Variants in HIPK2 observed in about 807,000 individuals in gnomAD.
HIPK2 encodes the protein homeodomain interacting protein kinase 2.
Under a neutral mutation model 113.7 loss-of-function variants are expected in HIPK2, and 27 were observed. The ratio of observed to expected loss-of-function variants is 0.24; its 90% CI spans 0.17 to 0.33. The LOEUF (loss-of-function observed/expected upper bound fraction) is 0.33. Among genes scored for constraint, HIPK2 ranks in the 10% least tolerant of loss-of-function variants. The pLI is 1.00. For missense variants in HIPK2, 1,257 were observed against 1,588.0 expected (o/e 0.79, Z 3.54); for synonymous variants, 631 against 642.2 (o/e 0.98, Z 0.26).
intron 2 of HIPK2, among the ~76,000 whole-genome samples, chr7:139,697,157 C>T (rs1192597115): frequency 1.3e-5 from 2 of 152,182 alleles, no homozygotes; most frequent in African/African-American, 4.8e-5. Context: ...AGAGAGCACC[C>T]AGAGGCAGCT....
At chr7:139,588,686 G>A (rs1295447218) in intron 12 of HIPK2, among the ~76,000 whole-genome samples, 2 of 152,184 alleles carry the variant, frequency 1.3e-5, no homozygotes, top group Non-Finnish European at 2.9e-5. Flanking sequence ...CTGAGGACGA[G>A]GAGGGAGCAG....
intron 1 of HIPK2, among the ~76,000 whole-genome samples, chr7:139,753,321 G>A (rs1374376499): frequency 6.6e-6 from 1 of 152,192 alleles, no homozygotes; most frequent in Non-Finnish European, 1.5e-5. Context: ...AATCGAGGGT[G>A]CTGGCGTGGC....
At chr7:139,578,677 T>C (rs1798571053) in intron 13 of HIPK2, among the ~76,000 whole-genome samples, 1 of 152,186 alleles carries the variant, frequency 6.6e-6, no homozygotes, top group Non-Finnish European at 1.5e-5. Context: ...GCTAAATTCC[T>C]TTTTTTATTT....
In HIPK2 at chr7:139,630,054, C is replaced by A. The variant is rs1800556546; in HGVS notation, c.1348-1015G>T. Among the ~76,000 whole-genome samples, 1 of 151,662 alleles carries A rather than the reference C, an allele frequency of 6.6e-6. No homozygotes were observed. The highest frequency in any genetic ancestry group is 1.5e-5 in the Non-Finnish European group (1 of 67,906). The stretch of plus-strand genomic sequence containing the variant: ...GCAGATTCCATTAAAAAAACAAATC[C>A]AAAACAACAACAAAACAAACACCCA... On this transcript the variant is annotated intron_variant, in intron 4 of 14. Transcript: ENST00000406875. The surrounding 1 kb of genome is among the most constrained non-coding windows in gnomAD (Gnocchi z 4.0).
chr7:139,657,106 A>G (rs1269742385), intron 2 of HIPK2, among the ~76,000 whole-genome samples: 1 of 151,974 alleles, frequency 6.6e-6, no homozygotes, highest in African/African-American at 2.4e-5. Flanking sequence ...CCTGACCTCA[A>G]ATGATCCTCC....
At chr7:139,676,884 AT>A (rs1802519449) in intron 2 of HIPK2, among the ~76,000 whole-genome samples, 1 of 141,684 alleles carries the variant, frequency 7.1e-6, no homozygotes, top group Non-Finnish European at 1.5e-5. Flanking sequence ...TTTTTTTGAG[AT>A]AGTTTTGCTC....
intron 14 of HIPK2, among the ~76,000 whole-genome samples, chr7:139,574,022 A>G (rs1197530768): frequency 3.3e-5 from 5 of 152,110 alleles, no homozygotes; most frequent in Non-Finnish European, 7.4e-5. Flanking sequence ...GTGCAGTGGC[A>G]TGAACCTAGC....
At chr7:139,670,720 A>C (rs1318223966) in intron 2 of HIPK2, among the ~76,000 whole-genome samples, 1 of 121,442 alleles carries the variant, frequency 8.2e-6, no homozygotes, top group Non-Finnish European at 1.8e-5. Context: ...AATAGGTTTT[A>C]TTTCTTTTTC....
intron 1 of HIPK2, among the ~76,000 whole-genome samples, chr7:139,769,034 G>A (rs1164833899): frequency 2.0e-5 from 3 of 152,220 alleles, no homozygotes. Context: ...AAATGCGAGT[G>A]AGCCTACAAA....
At chr7:139,727,250 T>A (rs1283800733) in intron 1 of HIPK2, among the ~76,000 whole-genome samples, 3 of 152,102 alleles carry the variant, frequency 2.0e-5, no homozygotes, top group African/African-American at 7.2e-5. Flanking sequence ...GAAATGATGA[T>A]AAACACAATT....
chr7:139,759,970 C>A (rs1796436600), intron 1 of HIPK2, among the ~76,000 whole-genome samples: 1 of 151,640 alleles, frequency 6.6e-6, no homozygotes, highest in South Asian at 2.1e-4. Context: ...CAATTTTTCA[C>A]ATACCCATCA....
intron 12 of HIPK2, among the ~76,000 whole-genome samples, chr7:139,586,011 G>A (rs907570835): frequency 3.3e-5 from 5 of 152,118 alleles, no homozygotes; most frequent in African/African-American, 9.7e-5. Context: ...ATAACAACAT[G>A]ACAAGTTAAA....
chr7:139,574,189 T>C (rs575085835), intron 14 of HIPK2, among the ~76,000 whole-genome samples: 129 of 152,276 alleles, frequency 8.5e-4, no homozygotes, highest in African/African-American at 2.8e-3. Flanking sequence ...CTCAAAATTA[T>C]TGGCTCTCAC....
chr7:139,610,630 T>A (rs116415496), intron 9 of HIPK2, among the ~76,000 whole-genome samples: 2,631 of 152,326 alleles, frequency 0.017, 78 homozygotes, highest in African/African-American at 0.059. Flanking sequence ...ACAGTGTCAT[T>A]CTGGACCTAA....
intron 1 of HIPK2, among the ~76,000 whole-genome samples, chr7:139,728,758 A>C: frequency 6.6e-6 from 1 of 152,234 alleles, no homozygotes; most frequent in East Asian, 1.9e-4. Flanking sequence ...TAATTTTCTC[A>C]GGTTAAATAA....
At chr7:139,595,743 C>A (rs1314429349) in intron 12 of HIPK2, among the ~76,000 whole-genome samples, 1 of 152,190 alleles carries the variant, frequency 6.6e-6, no homozygotes, top group Non-Finnish European at 1.5e-5. Flanking sequence ...TCTATCTATA[C>A]ATTTTGTAAT....
At chr7:139,589,199 G>C (rs902611847) in intron 12 of HIPK2, among the ~76,000 whole-genome samples, 4 of 152,136 alleles carry the variant, frequency 2.6e-5, no homozygotes, top group African/African-American at 7.2e-5. Flanking sequence ...AATTCATTGA[G>C]AGAGATTACT....
intron 1 of HIPK2, among the ~76,000 whole-genome samples, chr7:139,729,374 A>AGAGAGG (rs1795698238): frequency 7.9e-6 from 1 of 126,268 alleles, no homozygotes; most frequent in Non-Finnish European, 1.6e-5. Context: ...AGAGAGAGAG[A>AGAGAGG]GAGAGAGAGA....
At chr7:139,574,006 G>C (rs1377925393) in intron 14 of HIPK2, among the ~76,000 whole-genome samples, 2 of 152,122 alleles carry the variant, frequency 1.3e-5, no homozygotes, top group Non-Finnish European at 2.9e-5. Flanking sequence ...GATGCCCCAG[G>C]CTGGAGTGCA....
Sources: allele counts gnomAD v4.1 joint callset (sites outside exome capture counted in the v4.1 genomes callset), GRCh38; gene constraint gnomAD v4.1.1; non-coding constraint Gnocchi (gnomAD v3.1); transcripts MANE v1.5; gene names NCBI Gene and HGNC (gene_info 2026-07-23, HGNC 2026-07-21).